PPM1E: variants seen among roughly 807,000 people sequenced by gnomAD.
The protein encoded by PPM1E is protein phosphatase, Mg2+/Mn2+ dependent 1E.
Under a neutral mutation model 65.9 loss-of-function variants are expected in PPM1E, and 20 were observed. The ratio of observed to expected loss-of-function variants is 0.30; its 90% CI spans 0.21 to 0.44. PPM1E has a LOEUF of 0.44. Among genes scored for constraint, PPM1E ranks in the 20% least tolerant of loss-of-function variants. The pLI is 1.00. For synonymous variants in PPM1E, 352 were observed against 374.9 expected (o/e 0.94, Z 0.70); for missense variants, 713 against 953.1 (o/e 0.75, Z 3.32).
chr17:58,854,922 T>C (rs915427398), intron 1 of PPM1E, among the ~76,000 whole-genome samples: 1 of 152,056 alleles, frequency 6.6e-6, no homozygotes, highest in African/African-American at 2.4e-5. Context: ...CAGGTGAAAA[T>C]AGAGAATCAC....
intron 1 of PPM1E, among the ~76,000 whole-genome samples, chr17:58,783,771 G>T (rs1282540631): frequency 1.3e-5 from 2 of 151,722 alleles, no homozygotes; most frequent in Admixed American, 1.3e-4. Context: ...GCAATGGCGT[G>T]ATCTCGGCCC....
chr17:58,890,349 C>T (rs1367607186), intron 1 of PPM1E, among the ~76,000 whole-genome samples: 2 of 152,024 alleles, frequency 1.3e-5, no homozygotes, highest in Non-Finnish European at 2.9e-5. Context: ...ACGTTGTAAA[C>T]AGCAAGGTTA....
At chr17:58,930,570 T>G (rs2051881434) in intron 1 of PPM1E, among the ~76,000 whole-genome samples, 1 of 152,150 alleles carries the variant, frequency 6.6e-6, no homozygotes, top group South Asian at 2.1e-4. Context: ...AACACTTTGA[T>G]TAAACTAGAA....
intron 1 of PPM1E, among the ~76,000 whole-genome samples, chr17:58,885,664 G>A (rs1205298510): frequency 6.6e-6 from 1 of 152,184 alleles, no homozygotes; most frequent in Non-Finnish European, 1.5e-5. Context: ...GTCAGTGGTG[G>A]GGTGGAGTGG....
At chr17:58,788,702 A>G (rs1414182202) in intron 1 of PPM1E, among the ~76,000 whole-genome samples, 1 of 152,192 alleles carries the variant, frequency 6.6e-6, no homozygotes, top group Non-Finnish European at 1.5e-5. Context: ...ATAGCAATGA[A>G]CGTATTTTTT....
intron 1 of PPM1E, among the ~76,000 whole-genome samples, chr17:58,954,705 C>G (rs1223089957): frequency 1.3e-5 from 2 of 151,784 alleles, no homozygotes; most frequent in Non-Finnish European, 2.9e-5. Context: ...TAGTAAAACC[C>G]CATCTCTACT....
chr17:58,847,447 A>G (rs1341919232), intron 1 of PPM1E, among the ~76,000 whole-genome samples: 5 of 152,142 alleles, frequency 3.3e-5, no homozygotes, highest in African/African-American at 9.7e-5. Flanking sequence ...TCATTTTTGT[A>G]TAAGGTGTAA....
At chr17:58,860,666 G>T (rs938498855) in intron 1 of PPM1E, among the ~76,000 whole-genome samples, 5 of 152,186 alleles carry the variant, frequency 3.3e-5, no homozygotes, top group African/African-American at 4.8e-5. Flanking sequence ...GCTTTAGGCC[G>T]GGTGCGCTGG....
At chr17:58,803,132 T>C (rs542746497) in intron 1 of PPM1E, among the ~76,000 whole-genome samples, 2 of 152,340 alleles carry the variant, frequency 1.3e-5, no homozygotes, top group South Asian at 4.1e-4. Flanking sequence ...ATGGCAAAAC[T>C]GAGGACCGTT....
chr17:58,950,765 T>C (rs6503888), intron 1 of PPM1E, among the ~76,000 whole-genome samples: 55,995 of 149,686 alleles, frequency 0.37, 10,769 homozygotes, highest in Middle Eastern at 0.5. Context: ...GCTCTAAGAT[T>C]CCTGTTTGGT....
chr17:58,873,565 GTATTATTATTATTATTAT>G (rs140125879), intron 1 of PPM1E, among the ~76,000 whole-genome samples: 12 of 141,028 alleles, frequency 8.5e-5, no homozygotes, highest in South Asian at 4.6e-4. Context: ...AATGCTCATA[GTATTATTATTATTATTAT>G]TATTATTATT....
chr17:58,784,492 T>TC (rs1332498275), intron 1 of PPM1E, among the ~76,000 whole-genome samples: 8 of 147,044 alleles, frequency 5.4e-5, no homozygotes, highest in Non-Finnish European at 1.2e-4. Context: ...TTTACCCTCC[T>TC]CCCCCCCACC....
At chr17:58,969,377 C>A in intron 3 of PPM1E, 162 bp from the exon 4 acceptor site, 1 of 743,736 alleles carries the variant, frequency 1.3e-6, no homozygotes, top group Non-Finnish European at 2.4e-6. Context: ...GGTATTTCAG[C>A]AGTTGATCAG....
At chr17:58,894,051 CA>C (rs755793657) in intron 1 of PPM1E, among the ~76,000 whole-genome samples, 7 of 151,942 alleles carry the variant, frequency 4.6e-5, no homozygotes, top group Non-Finnish European at 8.8e-5. Flanking sequence ...CCAACTTGGG[CA>C]ACAGATCAAG....
At chr17:58,956,394 C>T (rs191717507) in intron 2 of PPM1E, among the ~76,000 whole-genome samples, 1 of 151,800 alleles carries the variant, frequency 6.6e-6, no homozygotes. Flanking sequence ...CGAGATCACG[C>T]CACTGCACTC....
intron 1 of PPM1E, among the ~76,000 whole-genome samples, chr17:58,897,584 A>G (rs1004159799): frequency 6.6e-6 from 1 of 152,208 alleles, no homozygotes; most frequent in Non-Finnish European, 1.5e-5. Context: ...CATTTAAGTC[A>G]TGTTTTAAGA....
chr17:58,792,836 C>T (rs929997280), intron 1 of PPM1E, among the ~76,000 whole-genome samples: 3 of 141,880 alleles, frequency 2.1e-5, no homozygotes, highest in Admixed American at 7.3e-5. Context: ...TCACTGCAAC[C>T]TCCGCCTCCT....
chr17:58,916,259 C>T (rs1001583974), intron 1 of PPM1E, among the ~76,000 whole-genome samples: 3 of 152,110 alleles, frequency 2.0e-5, no homozygotes, highest in South Asian at 2.1e-4. Flanking sequence ...TAAAAGACAG[C>T]GTGTACATAA....
intron 1 of PPM1E, among the ~76,000 whole-genome samples, chr17:58,797,072 C>A (rs1464184710): frequency 6.6e-6 from 1 of 152,144 alleles, no homozygotes; most frequent in Non-Finnish European, 1.5e-5. Context: ...CACGCCACTT[C>A]ACTCCAGCCT....
Sources: allele counts gnomAD v4.1 joint callset (sites outside exome capture counted in the v4.1 genomes callset), GRCh38; gene constraint gnomAD v4.1.1; transcripts MANE v1.5; gene names NCBI Gene and HGNC (gene_info 2026-07-23, HGNC 2026-07-21).